Variants in TENM2 observed in about 807,000 individuals in gnomAD.
TENM2 encodes teneurin transmembrane protein 2.
TENM2 carries 52 observed loss-of-function variants against 245.2 expected under a neutral mutation model. That is an observed-to-expected ratio of 0.21 (90% CI 0.17 to 0.27). The LOEUF is 0.27. Ranked by LOEUF, TENM2 falls within the 10% of genes least tolerant of loss-of-function variation. The probability of loss-of-function intolerance (pLI) is 1.00; values close to 1 mark genes in which losing one functional copy is unlikely to be tolerated. For synonymous variants in TENM2, 1,363 were observed against 1,438.9 expected (o/e 0.95, Z 1.19); for missense variants, 3,046 against 3,666.8 (o/e 0.83, Z 4.37).
intron 6 of TENM2, among the ~76,000 whole-genome samples, chr5:168,051,213 C>T (rs1362078903): frequency 6.6e-6 from 1 of 152,204 alleles, no homozygotes; most frequent in Non-Finnish European, 1.5e-5. Flanking sequence ...TTGCATGGAT[C>T]ATTCTCAAAA....
chr5:167,885,935 G>GGTGATCCACTC (rs1774251838), intron 3 of TENM2, among the ~76,000 whole-genome samples: 2 of 152,106 alleles, frequency 1.3e-5, no homozygotes, highest in Non-Finnish European at 2.9e-5. Context: ...CACTCGCCTC[G>GGTGATCCACTC]GCCTCCCAAA....
intron 2 of TENM2, among the ~76,000 whole-genome samples, chr5:167,561,382 G>C (rs969879299): frequency 6.6e-6 from 1 of 152,184 alleles, no homozygotes; most frequent in Non-Finnish European, 1.5e-5. Context: ...ATAACATTCT[G>C]GTTCCCCTAT....
chr5:167,179,515 A>C, the TENM2 span, among the ~76,000 whole-genome samples: 1 of 152,106 alleles, frequency 6.6e-6, no homozygotes, highest in Admixed American at 6.6e-5. Flanking sequence ...TAGGATTTAT[A>C]CACTGTAGGC....
chr5:168,035,877 G>A (rs1208249529), intron 5 of TENM2, among the ~76,000 whole-genome samples: 1 of 152,084 alleles, frequency 6.6e-6, no homozygotes, highest in Non-Finnish European at 1.5e-5. Flanking sequence ...TTTAAAATTG[G>A]GATAAAAAAG....
the TENM2 span, among the ~76,000 whole-genome samples, chr5:167,156,617 C>A: frequency 2.0e-5 from 3 of 152,144 alleles, no homozygotes; most frequent in African/African-American, 7.2e-5. Flanking sequence ...GTTGGGCCCT[C>A]GTGCTGCTGT....
intron 12 of TENM2, among the ~76,000 whole-genome samples, chr5:168,141,651 A>C (rs1377406317): frequency 6.6e-6 from 1 of 152,248 alleles, no homozygotes; most frequent in East Asian, 1.9e-4. Flanking sequence ...CCAGTAGATC[A>C]AAATCAATAT....
At chr5:167,019,102 A>G in the TENM2 span, among the ~76,000 whole-genome samples, 8 of 152,008 alleles carry the variant, frequency 5.3e-5, no homozygotes, top group East Asian at 1.6e-3. Context: ...ACTTTGATTT[A>G]TCTTGCCTAA....
chr5:167,854,748 C>A (rs1001166086), intron 2 of TENM2, among the ~76,000 whole-genome samples: 3 of 152,088 alleles, frequency 2.0e-5, no homozygotes, highest in African/African-American at 7.2e-5. Context: ...AGGAAGGATG[C>A]CCCTTTAAAT....
rs200563341 is a variant in TENM2 at position 168,248,365 on chromosome 5, G to A, written c.7426G>A (p.Val2476Met). Residue 2476 changes from valine (V) to methionine (M), a missense_variant, in exon 27 of 29, where the codon GTG becomes ATG. Physicochemically the swap from Val to Met is conservative, Grantham distance 21 (BLOSUM62 1). Coordinates refer to ENST00000518659, the Ensembl canonical transcript of TENM2. ...CAGTGAGCTAGATTTGAAGAACTAC[G>A]TGACAGGTGAGGATTCTGCCACCAA... The A allele has an allele frequency of 7.2e-4, 1,163 of 1,611,238 alleles. 1 individual carries two copies. The highest frequency in any genetic ancestry group is 9.2e-4 in the Non-Finnish European group (1,085 of 1,178,022).
At chr5:168,013,317 GT>G (rs1488398969) in intron 5 of TENM2, among the ~76,000 whole-genome samples, 14 of 152,176 alleles carry the variant, frequency 9.2e-5, no homozygotes, top group African/African-American at 3.4e-4. Flanking sequence ...CAAAAGCCAA[GT>G]TTCAGCTGGG....
chr5:167,475,257 G>A (rs1767297445), intron 2 of TENM2, among the ~76,000 whole-genome samples: 1 of 152,046 alleles, frequency 6.6e-6, no homozygotes, highest in Admixed American at 6.5e-5. Context: ...ACCTAGAACA[G>A]CCTTCCTCAA....
chr5:167,475,947 GA>G (rs544112255), intron 2 of TENM2, among the ~76,000 whole-genome samples: 2 of 151,302 alleles, frequency 1.3e-5, no homozygotes, highest in Non-Finnish European at 2.9e-5. Context: ...AAATAGTGCT[GA>G]AAAAAAATAC....
intron 2 of TENM2, among the ~76,000 whole-genome samples, chr5:167,583,414 TAAAAC>T (rs1775233017): frequency 6.8e-6 from 1 of 146,630 alleles, no homozygotes; most frequent in Non-Finnish European, 1.5e-5. Flanking sequence ...TAGTCAGAAA[TAAAAC>T]AATAGGAGGT....
the TENM2 span, among the ~76,000 whole-genome samples, chr5:167,194,104 GTT>G: frequency 3.5e-3 from 535 of 151,892 alleles, 6 homozygotes; most frequent in African/African-American, 0.012. Context: ...AAATGAGAAG[GTT>G]ATACAAGGTG....
the TENM2 span, among the ~76,000 whole-genome samples, chr5:167,109,927 A>G: frequency 6.6e-6 from 1 of 152,304 alleles, no homozygotes; most frequent in East Asian, 1.9e-4. Flanking sequence ...TATTGGCCAT[A>G]TGGTGTAATC....
the TENM2 span, among the ~76,000 whole-genome samples, chr5:167,006,999 A>G: frequency 2.6e-5 from 4 of 152,152 alleles, no homozygotes; most frequent in Non-Finnish European, 5.9e-5. Context: ...CTCACATTAT[A>G]ATATGCTCCT....
At chr5:168,007,817 A>G (rs535737226) in intron 5 of TENM2, among the ~76,000 whole-genome samples, 105 of 152,200 alleles carry the variant, frequency 6.9e-4, no homozygotes, top group Non-Finnish European at 1.3e-3. Flanking sequence ...AATTTAGTTT[A>G]GAAGTTAGGT....
intron 1 of TENM2, among the ~76,000 whole-genome samples, chr5:167,372,299 G>T (rs1382447267): frequency 2.0e-5 from 3 of 152,038 alleles, no homozygotes; most frequent in African/African-American, 7.2e-5. Flanking sequence ...CTTTTTAAAT[G>T]TATGCAAATC....
chr5:167,906,955 G>A (rs535259046), intron 3 of TENM2, among the ~76,000 whole-genome samples: 3 of 152,298 alleles, frequency 2.0e-5, no homozygotes, highest in Admixed American at 6.5e-5. Flanking sequence ...GACGCAGGCC[G>A]GGCGCAGTGG....
Sources: gnomAD v4.1 joint callset for allele counts (sites outside exome capture counted in the v4.1 genomes callset) on GRCh38, gnomAD v4.1.1 for gene constraint, MANE v1.5 for transcripts, NCBI Gene and HGNC (gene_info 2026-07-23, HGNC 2026-07-21) for gene names.